TRMT13: variants seen among roughly 807,000 people sequenced by gnomAD.
TRMT13 encodes tRNA:m(4)X modification enzyme TRM13 homolog.
Under a neutral mutation model 55.9 loss-of-function variants are expected in TRMT13, and 45 were observed. That is an observed-to-expected ratio of 0.80 (90% CI 0.63 to 1.03). The LOEUF (loss-of-function observed/expected upper bound fraction) is 1.03. TRMT13 is among the 50% of genes least tolerant of loss of function. The probability of loss-of-function intolerance (pLI) is 0.00; values close to 1 mark genes in which losing one functional copy is unlikely to be tolerated. For synonymous variants in TRMT13, 183 were observed against 196.3 expected (o/e 0.93, Z 0.57); for missense variants, 513 against 563.9 (o/e 0.91, Z 0.91).
At position 100,139,664 on chromosome 1, in the gene TRMT13, G is replaced by C; in HGVS notation, c.277G>C (p.Asp93His). The change falls in exon 4 of 11, where the codon GAT (aspartate) becomes CAT (histidine). Residue 93 changes from aspartate (D) to histidine (H), a missense_variant. Asp to His is a moderately conservative substitution (Grantham distance 81, BLOSUM62 -1). Around this residue, in one of 3 missense-constraint regions of TRMT13, gnomAD observed 298 missense variants for 290.3 expected, o/e 1.03. Transcript: ENST00000370141. ...EKPKPDFYIQ[D>H]INAGLRDETE... Reference sequence around the variant, plus strand: ...TTTTGTTAAGGATTTCTATATTCAAGATATTAATGCAGGCTTAAGAGATGA... The same window carrying C: ...TTTTGTTAAGGATTTCTATATTCAACATATTAATGCAGGCTTAAGAGATGA... 1 of 1,541,522 alleles carries C rather than the reference G, an allele frequency of 6.5e-7. No homozygotes were observed. Among genetic ancestry groups the C allele is most frequent in the Non-Finnish European group, 8.9e-7 (1 of 1,117,564 alleles).
Position 100,140,911 on chromosome 1 carries a change from T to C in TRMT13, c.561T>C (p.Val187=), listed in dbSNP as rs1656532913. 6.2e-7 allele frequency: 1 copy of C among 1,613,724 alleles called. No homozygotes were observed. Among genetic ancestry groups the C allele is most frequent in the Non-Finnish European group, 8.5e-7 (1 of 1,179,856 alleles). ...LKLLGPRRCF[V]EFGAGKGKLS... ...TACTTGGTCCAAGAAGATGCTTTGTTGAGTTTGGAGCGGGAAAGGGAAAAT... is the reference window on the plus strand; with the variant it reads ...TACTTGGTCCAAGAAGATGCTTTGTCGAGTTTGGAGCGGGAAAGGGAAAAT... The change falls in exon 7 of 11, where the codon GTT becomes GTC. Residue 187 remains valine, a synonymous_variant. Transcript: ENST00000370141.
At position 100,150,356 on chromosome 1, in the gene TRMT13, A is replaced by G. The variant is rs372505953; in HGVS notation, c.*1536A>G. 4.6e-5 allele frequency: 7 copies of G among 152,184 alleles called. No individual in the cohort carries two copies. The South Asian group carries it at 6.2e-4, about 13-fold the overall frequency. The allele number at this position is 152,184 out of a possible 1,614,324, so 9.4% of individuals were successfully genotyped here. The stretch of plus-strand genomic sequence containing the variant: ...TTTAAGTTAGTTACCCATGTCCCCA[A>G]TCAAGGGAACCTAAATGAAGATATA... On this transcript the variant is annotated 3_prime_UTR_variant, in exon 11 of 11. Transcript: ENST00000370141.
chr1:100,136,807 C>G (rs1007871298), intron 1 of TRMT13, 75 bp from the exon 2 acceptor site: 67 of 1,289,132 alleles, frequency 5.2e-5, no homozygotes, highest in African/African-American at 1.2e-4. Flanking sequence ...TACAGAGACA[C>G]TGAAGTTATA....
At chr1:100,143,985 G>T in intron 8 of TRMT13, 84 bp from the exon 9 acceptor site, 2 of 1,146,650 alleles carry the variant, frequency 1.7e-6, no homozygotes, top group East Asian at 2.5e-5. Flanking sequence ...AAAATTCAGA[G>T]ACTCTAATTA....
Position 100,140,245 on chromosome 1 carries a change from AGTG to A in TRMT13, c.389_391del (p.Ser130_Glu131delinsLys). On this transcript the variant is annotated inframe_deletion, in exon 5 of 11. Coordinates refer to ENST00000370141, the MANE Select transcript of TRMT13 (RefSeq NM_019083.3). ...GTTAATTAAGAAATTGAGAAAAGCA[AGTG>A]AAGGTAAGACTGCCTAAAGTTGCAA... 1 of 1,612,952 alleles carries A rather than the reference AGTG, an allele frequency of 6.2e-7. No homozygotes were observed. The highest frequency in any genetic ancestry group is 1.1e-5 in the South Asian group (1 of 90,886).
At chr1:100,137,842 A>T (rs1656083208) in intron 3 of TRMT13, among the ~76,000 whole-genome samples, 1 of 152,180 alleles carries the variant, frequency 6.6e-6, no homozygotes, top group African/African-American at 2.4e-5. Flanking sequence ...TAAGTTTAGA[A>T]AGTATTTTTA....
chr1:100,137,121 G>A, intron 3 of TRMT13, 36 bp downstream of exon 3: 1 of 1,551,956 alleles, frequency 6.4e-7, no homozygotes. Context: ...ATGGTGAAAT[G>A]TGGTATGTAA....
chr1:100,147,604 A>C (rs1386320637), intron 9 of TRMT13, among the ~76,000 whole-genome samples: 3 of 152,200 alleles, frequency 2.0e-5, no homozygotes, highest in Admixed American at 2.0e-4. Flanking sequence ...AGTGAGAGAC[A>C]ATTCAGGTAG....
chr1:100,148,622 T>C lies in TRMT13; in HGVS notation c.1251-3T>C. 1 of 1,597,534 alleles carries C rather than the reference T, an allele frequency of 6.3e-7. No homozygotes were observed. The highest frequency in any genetic ancestry group is 8.5e-7 in the Non-Finnish European group (1 of 1,175,890). On this transcript the variant is annotated splice_polypyrimidine_tract_variant and splice_region_variant and intron_variant, in intron 10 of 10. Transcript: ENST00000370141. ...ATGTTTTGTGTGTGTTTATTCAATT[T>C]AGGCTTCTTAGTGTTGAAGAAAAGA...
In TRMT13 at chr1:100,148,014, A is replaced by G; in HGVS notation, c.938A>G (p.Lys313Arg). The G allele has an allele frequency of 6.2e-7, 1 of 1,614,196 alleles. No homozygotes were observed. The highest frequency in any genetic ancestry group is 8.5e-7 in the Non-Finnish European group (1 of 1,180,022). Residue 313 changes from lysine (K) to arginine (R), a missense_variant, in exon 10 of 11, where the codon AAG becomes AGG. Physicochemically the swap from Lys to Arg is conservative, Grantham distance 26 (BLOSUM62 2). This residue lies in a region of TRMT13 where 209 missense variants were observed against 255.8 expected (regional missense o/e 0.82). Transcript: ENST00000370141. Reference protein sequence around the residue: ...KTEKEIYTLAKEGNEKNVPEK... With the variant: ...KTEKEIYTLAREGNEKNVPEK... ...GAAAAAGAAATTTACACTTTGGCCA[A>G]GGAAGGAAATGAAAAAAATGTCCCA... is the stretch of plus-strand genomic sequence containing the variant.
At chr1:100,137,661 A>G (rs1656056194) in intron 3 of TRMT13, among the ~76,000 whole-genome samples, 1 of 152,156 alleles carries the variant, frequency 6.6e-6, no homozygotes, top group Non-Finnish European at 1.5e-5. Context: ...AGCTCCCTTG[A>G]AAAGGTAGTC....
intron 9 of TRMT13, among the ~76,000 whole-genome samples, chr1:100,146,787 A>G (rs1416799274): frequency 6.6e-6 from 1 of 152,246 alleles, no homozygotes; most frequent in Non-Finnish European, 1.5e-5. Flanking sequence ...CTGGCCTGAA[A>G]TAACTTAATT....
At position 100,148,692 on chromosome 1, in the gene TRMT13, A is replaced by T. The variant is rs755849612; in HGVS notation, c.1318A>T (p.Ile440Phe). 6.2e-7 allele frequency: 1 copy of T among 1,613,420 alleles called. No homozygotes were observed. ...LCKLLIDQGRIQYLQQKGFSP... is the reference protein window; with the variant it reads ...LCKLLIDQGRFQYLQQKGFSP... Reference sequence around the variant, plus strand: ...TAAATTGCTGATTGACCAAGGTCGAATCCAGTATTTGCAGCAGAAGGGATT... The same window carrying T: ...TAAATTGCTGATTGACCAAGGTCGATTCCAGTATTTGCAGCAGAAGGGATT... The change falls in exon 11 of 11, where the codon ATC becomes TTC. Residue 440 changes from isoleucine (I) to phenylalanine (F), a missense_variant. Physicochemically the swap from Ile to Phe is conservative, Grantham distance 21. Transcript: ENST00000370141.
chr1:100,134,423 T>TCTTAAGGAATTTATTC (rs1655524909), intron 1 of TRMT13, among the ~76,000 whole-genome samples: 1 of 152,202 alleles, frequency 6.6e-6, no homozygotes, highest in African/African-American at 2.4e-5. Flanking sequence ...TTATTTTATT[T>TCTTAAGGAATTTATTC]CTTAAGGAAT....
At chr1:100,146,026 A>G (rs966684589) in intron 9 of TRMT13, among the ~76,000 whole-genome samples, 3 of 152,120 alleles carry the variant, frequency 2.0e-5, no homozygotes, top group African/African-American at 7.2e-5. Context: ...CCTGTCTCCT[A>G]CTTTGCTGTT....
chr1:100,135,296 T>C (rs1467724013), intron 1 of TRMT13, among the ~76,000 whole-genome samples: 1 of 152,156 alleles, frequency 6.6e-6, no homozygotes, highest in African/African-American at 2.4e-5. Flanking sequence ...GAATAGTCTT[T>C]TACATGGAGG....
rs548106446 is a variant in TRMT13 at position 100,149,570 on chromosome 1, A to G, written c.*750A>G. ...TTCTGAAGTTGATTAGCTATCTCAT[A>G]TCTTTTATCAGGTCATTTTTTATAT... On this transcript the variant is annotated 3_prime_UTR_variant, in exon 11 of 11. Coordinates refer to ENST00000370141, the MANE Select transcript of TRMT13 (RefSeq NM_019083.3). The G allele has an allele frequency of 1.3e-6, 1 of 748,900 alleles. No individual in the cohort carries two copies. The highest frequency in any genetic ancestry group is 2.1e-6 in the Non-Finnish European group (1 of 484,590). 46.4% of individuals were successfully genotyped at this position (748,900 alleles called of 1,614,324 possible).
chr1:100,142,795 G>A (rs1163733690), intron 7 of TRMT13: 2 of 246,944 alleles, frequency 8.1e-6, no homozygotes, highest in Non-Finnish European at 1.6e-5. Context: ...AGAGCAAGAA[G>A]AGGAGCGAAC....
chr1:100,147,119 A>G (rs499479), intron 9 of TRMT13, among the ~76,000 whole-genome samples: 62,729 of 151,974 alleles, frequency 0.41, 13,394 homozygotes, highest in Middle Eastern at 0.58. Context: ...TGGGTCCTAC[A>G]TTTTGGGTCT....
Sources: allele counts gnomAD v4.1 joint callset (sites outside exome capture counted in the v4.1 genomes callset), GRCh38; gene constraint gnomAD v4.1.1; regional missense constraint gnomAD v4.1.1; transcripts MANE v1.5; gene names NCBI Gene and HGNC (gene_info 2026-07-23, HGNC 2026-07-21).